MYO5B: variants seen among roughly 807,000 people sequenced by gnomAD.
The protein encoded by MYO5B is unconventional myosin-Vb.
MYO5B carries 143 observed loss-of-function variants against 229.3 expected under a neutral mutation model. The observed-to-expected ratio is 0.62, with a 90% CI of 0.54 to 0.72. MYO5B has a LOEUF of 0.72. Ranked by LOEUF, MYO5B falls within the 30% of genes least tolerant of loss-of-function variation. The pLI is 0.00. For synonymous variants in MYO5B, 918 were observed against 885.2 expected, an observed-to-expected ratio of 1.04 and a Z score of -0.66; for missense variants, 2,321 against 2,331.0, an observed-to-expected ratio of 1.00 and a Z score of 0.09.
Position 49,853,483 on chromosome 18 carries a change from T to G in MYO5B, c.4187A>C (p.Gln1396Pro). 1 of 1,614,186 alleles carries G rather than the reference T, an allele frequency of 6.2e-7. No individual in the cohort carries two copies. Residue 1396 changes from glutamine (Q) to proline (P), a missense_variant, in exon 31 of 40, where the codon CAG becomes CCG. This residue lies in a region of MYO5B where 2,113 missense variants were observed against 2,044.7 expected (regional missense o/e 1.03). Transcript: ENST00000285039. The part of the protein sequence containing the change: ...SPEAQVEFGV[Q>P]QEISRLTNEN... Reference sequence around the variant, plus strand: ...GTTGGTCAGCCGGGATATTTCCTGCTGAACGCCGAATTCCACCTGGGCCTC... The same window carrying G: ...GTTGGTCAGCCGGGATATTTCCTGCGGAACGCCGAATTCCACCTGGGCCTC...
chr18:50,001,235 G>A lies in MYO5B; in HGVS notation c.612+20C>T, dbSNP rs777287259. On this transcript the variant is annotated intron_variant, in intron 5 of 39. Transcript: ENST00000285039. ...GGAGGAGCTCCAGCCAGGAAGGCCA[G>A]GACACCTAGAAGGCTTTACCTCCAT... 1.2e-6 allele frequency: 2 copies of A among 1,613,950 alleles called. No individual in the cohort carries two copies. Among genetic ancestry groups the A allele is most frequent in the East Asian group, 4.5e-5 (2 of 44,888 alleles).
intron 2 of MYO5B, among the ~76,000 whole-genome samples, chr18:50,052,742 A>C (rs1337954282): frequency 1.3e-5 from 2 of 152,070 alleles, no homozygotes; most frequent in African/African-American, 2.4e-5. Context: ...TTTATGCTAC[A>C]TATATTTTAC....
chr18:50,009,104 G>A (rs960548292), intron 4 of MYO5B, among the ~76,000 whole-genome samples: 22 of 152,152 alleles, frequency 1.4e-4, no homozygotes, highest in Non-Finnish European at 1.9e-4. Context: ...TGTGCCGAGC[G>A]CAGTGGCTCA....
At chr18:50,000,751 G>A (rs982630812) in intron 5 of MYO5B, among the ~76,000 whole-genome samples, 1 of 152,162 alleles carries the variant, frequency 6.6e-6, no homozygotes, top group Non-Finnish European at 1.5e-5. Context: ...GTTTTCTGAG[G>A]AGCTTCAACA....
intron 4 of MYO5B, among the ~76,000 whole-genome samples, chr18:50,004,459 T>A (rs1426613523): frequency 6.6e-6 from 1 of 152,260 alleles, no homozygotes; most frequent in Non-Finnish European, 1.5e-5. Flanking sequence ...TTAGATCTGA[T>A]GCTGATATGT....
At position 50,015,785 on chromosome 18, in the gene MYO5B, T is replaced by C. The variant is rs560912709; in HGVS notation, c.456-14374A>G. ...TCCAGGTGCTTGCAGTAGCCTCTGC[T>C]GAATAAACAGCTCCTGTTGTAAGCA... On this transcript the variant is annotated intron_variant, in intron 4 of 39. Coordinates refer to ENST00000285039, the MANE Select transcript of MYO5B (RefSeq NM_001080467.3). 3.6e-3 allele frequency among the ~76,000 whole-genome samples: 547 copies of C among 152,312 alleles called. 4 individuals carry two copies. The highest frequency in any genetic ancestry group is 0.013 in the African/African-American group (527 of 41,566).
chr18:50,090,666 T>G (rs911296821), intron 1 of MYO5B, among the ~76,000 whole-genome samples: 2 of 152,160 alleles, frequency 1.3e-5, no homozygotes, highest in African/African-American at 4.8e-5. Flanking sequence ...TTACAAAATG[T>G]GGTTTTAAAA....
chr18:50,143,654 T>C (rs973655), intron 1 of MYO5B, among the ~76,000 whole-genome samples: 18,667 of 152,064 alleles, frequency 0.12, 1,461 homozygotes, highest in Middle Eastern at 0.18. Context: ...AGCCCCCAAA[T>C]GACTACAGGT....
At chr18:49,947,830 C>T (rs978909577) in intron 14 of MYO5B, among the ~76,000 whole-genome samples, 2 of 151,830 alleles carry the variant, frequency 1.3e-5, no homozygotes, top group African/African-American at 2.4e-5. Context: ...AAGCCTGGGG[C>T]AAATCAAAAA....
rs1256221477 is a variant in MYO5B, at chr18:50,021,480, C to T, written c.455+15370G>A. On this transcript the variant is annotated intron_variant, in intron 4 of 39. Transcript: ENST00000285039. The stretch of plus-strand genomic sequence containing the variant: ...GGATATAATAAAGGCTGCCCTTCCA[C>T]AATCCTGGAGTTACGGCAAGAGCCA... Among the ~76,000 whole-genome samples, 3 of 152,144 alleles carry T rather than the reference C, an allele frequency of 2.0e-5. No individual in the cohort carries two copies. The East Asian group carries it at 5.8e-4, about 29-fold the overall frequency.
At chr18:50,032,778 G>T (rs868568592) in intron 4 of MYO5B, among the ~76,000 whole-genome samples, 3 of 152,160 alleles carry the variant, frequency 2.0e-5, no homozygotes, top group South Asian at 2.1e-4. Context: ...CTGAGGTCAG[G>T]AGTTCGAGAC....
At chr18:50,072,915 G>C (rs1180858040) in intron 1 of MYO5B, among the ~76,000 whole-genome samples, 1 of 152,132 alleles carries the variant, frequency 6.6e-6, no homozygotes, top group Non-Finnish European at 1.5e-5. Context: ...CCAGGCTGGA[G>C]TGTGCAAGGA....
intron 1 of MYO5B, among the ~76,000 whole-genome samples, chr18:50,152,430 T>C (rs996895663): frequency 6.6e-6 from 1 of 152,272 alleles, no homozygotes; most frequent in Non-Finnish European, 1.5e-5. Context: ...TGACAAACTC[T>C]AGTAAATGTG....
At chr18:50,130,579 C>T (rs1240240549) in intron 1 of MYO5B, among the ~76,000 whole-genome samples, 2 of 152,170 alleles carry the variant, frequency 1.3e-5, no homozygotes, top group East Asian at 1.9e-4. Flanking sequence ...TCCACCCTAC[C>T]TGAACTGGTG....
chr18:50,054,132 G>C (rs1372857158), intron 2 of MYO5B, among the ~76,000 whole-genome samples: 3 of 152,118 alleles, frequency 2.0e-5, no homozygotes, highest in African/African-American at 7.2e-5. Flanking sequence ...ACACAAGAAG[G>C]TCTCAGGGCT....
chr18:49,878,331 C>CT (rs150305502), intron 24 of MYO5B, among the ~76,000 whole-genome samples: 161 of 150,502 alleles, frequency 1.1e-3, no homozygotes, highest in Non-Finnish European at 1.7e-3. Context: ...TTTAAAAATA[C>CT]TTTTTTTTTT....
At chr18:50,002,401 G>A (rs1365031854) in intron 4 of MYO5B, among the ~76,000 whole-genome samples, 6 of 152,074 alleles carry the variant, frequency 3.9e-5, no homozygotes, top group Non-Finnish European at 7.4e-5. Context: ...TTTAAAACAC[G>A]TAGTAGGAAG....
intron 1 of MYO5B, among the ~76,000 whole-genome samples, chr18:50,093,065 T>C (rs2031480681): frequency 6.6e-6 from 1 of 151,980 alleles, no homozygotes; most frequent in Non-Finnish European, 1.5e-5. Context: ...GAACAATTTG[T>C]AAATAGACTG....
chr18:50,015,348 T>C (rs754221448), intron 4 of MYO5B, among the ~76,000 whole-genome samples: 1 of 152,232 alleles, frequency 6.6e-6, no homozygotes, highest in East Asian at 1.9e-4. Context: ...GGCTGGGTAA[T>C]GTAATTAAAG....
Sources: allele counts gnomAD v4.1 joint callset (sites outside exome capture counted in the v4.1 genomes callset), GRCh38; gene constraint gnomAD v4.1.1; regional missense constraint gnomAD v4.1.1; transcripts MANE v1.5; gene names NCBI Gene and HGNC (gene_info 2026-07-23, HGNC 2026-07-21).